XPO6: variants seen among roughly 807,000 people sequenced by gnomAD.
XPO6 encodes the protein exportin-6.
XPO6 carries 3 observed loss-of-function variants against 130.0 expected under a neutral mutation model. The observed-to-expected ratio is 0.02, with a 90% CI of 0.01 to 0.06. XPO6 has a LOEUF of 0.06. XPO6 is among the 10% of genes least tolerant of loss of function. The pLI, the probability that XPO6 is intolerant of heterozygous loss-of-function variation, is 1.00. For missense variants in XPO6, 970 were observed against 1,393.0 expected, an observed-to-expected ratio of 0.70 and a Z score of 4.83; for synonymous variants, 524 against 548.9, an observed-to-expected ratio of 0.95 and a Z score of 0.63.
intron 2 of XPO6, among the ~76,000 whole-genome samples, chr16:28,178,764 CAA>C (rs139329056): frequency 2.4e-4 from 33 of 138,394 alleles, no homozygotes; most frequent in South Asian, 1.1e-3. Context: ...CAAAACAAAA[CAA>C]AAAAAAAAAA....
intron 20 of XPO6, among the ~76,000 whole-genome samples, chr16:28,104,965 G>A (rs2086741461): frequency 6.6e-6 from 1 of 152,278 alleles, no homozygotes; most frequent in African/African-American, 2.4e-5. Flanking sequence ...ACATTTGAGA[G>A]AGAATGCACG....
At position 28,107,626 on chromosome 16, in the gene XPO6, T is replaced by C; in HGVS notation, c.2393A>G (p.Asn798Ser). The change falls in exon 18 of 24, where the codon AAT (asparagine) becomes AGT (serine). Residue 798 changes from asparagine (N) to serine (S), a missense_variant. Physicochemically the swap from Asn to Ser is conservative, Grantham distance 46. This residue lies in a region of XPO6 where 936 missense variants were observed against 1,306.8 expected (regional missense o/e 0.72). Transcript: ENST00000304658. Reference sequence around the variant, plus strand: ...AGACTTGGTGGACTCCCCCGAGATATTCTCCACAATATCTTCTAAGACGCT... The same window carrying C: ...AGACTTGGTGGACTCCCCCGAGATACTCTCCACAATATCTTCTAAGACGCT... ...TLSVLEDIVE[N>S]ISGESTKSRQ... The C allele has an allele frequency of 6.2e-7, 1 of 1,614,164 alleles. No homozygotes were observed. The highest frequency in any genetic ancestry group is 8.5e-7 in the Non-Finnish European group (1 of 1,180,018).
rs557022038 is a variant in XPO6, at chr16:28,135,457, T to C, written c.1335-133A>G. 3.5e-5 allele frequency: 24 copies of C among 693,852 alleles called. No homozygotes were observed. The South Asian group carries it at 3.7e-4, about 11-fold the overall frequency. The allele number at this position is 693,852 out of a possible 1,614,324, so 43.0% of individuals were successfully genotyped here. A position where few individuals can be genotyped will look rare whatever the true frequency, so the allele number is the denominator to read the frequency against. ...AAAAGAGCATCGAAATTCCTGAGGC[T>C]GAGTTTATGGGTTGGTACGTGTGTG... On this transcript the variant is annotated intron_variant, in intron 9 of 23. Coordinates refer to ENST00000304658, the MANE Select transcript of XPO6 (RefSeq NM_015171.4).
chr16:28,139,375 T>C (rs2042842692), intron 9 of XPO6, among the ~76,000 whole-genome samples: 1 of 152,206 alleles, frequency 6.6e-6, no homozygotes, highest in Non-Finnish European at 1.5e-5. Flanking sequence ...TTCTGTTGTT[T>C]AAGGCCAGCC....
intron 11 of XPO6, among the ~76,000 whole-genome samples, chr16:28,133,512 T>C (rs1476280606): frequency 6.6e-6 from 1 of 152,152 alleles, no homozygotes; most frequent in African/African-American, 2.4e-5. Context: ...GAGCGAGCTT[T>C]ACAAAGGCCA....
intron 1 of XPO6, among the ~76,000 whole-genome samples, chr16:28,185,979 C>T (rs2043685742): frequency 6.6e-6 from 1 of 152,208 alleles, no homozygotes; most frequent in Non-Finnish European, 1.5e-5. Context: ...ACTTTATCTG[C>T]TCCTTTTACT....
chr16:28,103,797 G>A (rs910681943), intron 21 of XPO6, among the ~76,000 whole-genome samples: 3 of 152,240 alleles, frequency 2.0e-5, no homozygotes, highest in Admixed American at 6.5e-5. Flanking sequence ...GTGTGCGCGC[G>A]CATGCGCACG....
chr16:28,113,865 G>A (rs1056783624), intron 15 of XPO6, among the ~76,000 whole-genome samples: 2 of 151,902 alleles, frequency 1.3e-5, no homozygotes, highest in East Asian at 3.9e-4. Context: ...ATTCCTGATG[G>A]GATAGGACTA....
chr16:28,163,149 G>A (rs2043304005), intron 6 of XPO6, among the ~76,000 whole-genome samples: 1 of 152,144 alleles, frequency 6.6e-6, no homozygotes, highest in Non-Finnish European at 1.5e-5. Flanking sequence ...CAGTAAAATG[G>A]GGGAAAACTC....
chr16:28,163,694 C>T (rs1268937318), intron 6 of XPO6, among the ~76,000 whole-genome samples: 3 of 152,156 alleles, frequency 2.0e-5, no homozygotes, highest in Admixed American at 2.0e-4. Context: ...GGTGAAGGAT[C>T]CACTCAAGGT....
At chr16:28,115,282 C>T (rs2087025655) in intron 15 of XPO6, among the ~76,000 whole-genome samples, 1 of 152,114 alleles carries the variant, frequency 6.6e-6, no homozygotes, top group Non-Finnish European at 1.5e-5. Flanking sequence ...TCTTATGAAA[C>T]GTATTTCTGA....
Position 28,211,925 on chromosome 16 carries a change from G to A in XPO6, c.-557C>T, listed in dbSNP as rs955319684. 1.3e-5 allele frequency: 2 copies of A among 152,940 alleles called. No homozygotes were observed. The highest frequency in any genetic ancestry group is 2.4e-5 in the African/African-American group (1 of 41,466). 9.5% of individuals were successfully genotyped at this position (152,940 alleles called of 1,614,324 possible). On this transcript the variant is annotated 5_prime_UTR_variant, in exon 1 of 24. Coordinates refer to ENST00000304658, the MANE Select transcript of XPO6 (RefSeq NM_015171.4). ...CGCCCTGGAGCCGCCCGCTAGTACC[G>A]CGCGGCCGCCCCCGACCAACAGCCC...
chr16:28,155,333 A>G (rs531189899), intron 7 of XPO6, among the ~76,000 whole-genome samples: 1 of 152,152 alleles, frequency 6.6e-6, no homozygotes, highest in Non-Finnish European at 1.5e-5. Context: ...ATAAGTTTCC[A>G]AATTCCCTCC....
At chr16:28,154,367 A>G in intron 7 of XPO6, 1 of 804,004 alleles carries the variant, frequency 1.2e-6, no homozygotes, top group Non-Finnish European at 1.5e-6. Flanking sequence ...TTCAGTAGCT[A>G]AAACTACAGA....
intron 10 of XPO6, 40 bp downstream of exon 10, chr16:28,135,176 C>A (rs772027663): frequency 1.9e-5 from 29 of 1,549,324 alleles, no homozygotes; most frequent in Non-Finnish European, 2.5e-5. Flanking sequence ...GATGTCACAA[C>A]ATGACAGCGA....
intron 1 of XPO6, among the ~76,000 whole-genome samples, chr16:28,193,066 C>T (rs747387722): frequency 2.6e-5 from 4 of 152,170 alleles, no homozygotes; most frequent in Non-Finnish European, 4.4e-5. Flanking sequence ...CTTACGTAAA[C>T]TCCATGTGTG....
intron 4 of XPO6, among the ~76,000 whole-genome samples, chr16:28,173,377 C>G (rs1034100027): frequency 6.6e-6 from 1 of 152,150 alleles, no homozygotes; most frequent in Non-Finnish European, 1.5e-5. Context: ...TCAAAGATCA[C>G]TTAGTCCAAC....
intron 1 of XPO6, chr16:28,209,105 T>A (rs1280097607): frequency 6.6e-6 from 1 of 152,128 alleles, no homozygotes; most frequent in African/African-American, 2.4e-5. Context: ...ACTTCATGAC[T>A]CCACTTACAT....
intron 4 of XPO6, among the ~76,000 whole-genome samples, chr16:28,172,437 C>A (rs1437307179): frequency 6.6e-6 from 1 of 152,134 alleles, no homozygotes; most frequent in Non-Finnish European, 1.5e-5. Context: ...ATGCTGCTTG[C>A]CCCTTAAGTC....
Sources: gnomAD v4.1 joint callset for allele counts (sites outside exome capture counted in the v4.1 genomes callset) on GRCh38, gnomAD v4.1.1 for gene constraint, gnomAD v4.1.1 regional missense constraint, MANE v1.5 for transcripts, NCBI Gene and HGNC (gene_info 2026-07-23, HGNC 2026-07-21) for gene names.